The following ZSCAN12 variants were observed in gnomAD, a reference collection of about 807,000 sequenced individuals.
The protein encoded by ZSCAN12 is zinc finger and SCAN domain-containing protein 12.
ZSCAN12 carries 18 observed loss-of-function variants against 23.4 expected under a neutral mutation model. That is an observed-to-expected ratio of 0.77 (90% CI 0.53 to 1.14). ZSCAN12 has a LOEUF of 1.14. Among genes scored for constraint, ZSCAN12 ranks in the 50% most tolerant of loss-of-function variants. The pLI is 0.00. For synonymous variants in ZSCAN12, 186 were observed against 253.4 expected (o/e 0.73, Z 2.53); for missense variants, 650 against 735.0 (o/e 0.88, Z 1.34).
chr6:28,391,796 A>G lies in ZSCAN12; in HGVS notation c.548-54T>C. ...TTCTACCTTTAAAATGTATCCATAC[A>G]TTTTAATATTAAGCAGCTGTTTAGA... On this transcript the variant is annotated intron_variant, in intron 3 of 3. Coordinates refer to ENST00000684592, the MANE Select transcript of ZSCAN12 (RefSeq NM_001163391.2). This position sits in a 1 kb window ranked among gnomAD's most constrained non-coding sequence, Gnocchi z 4.1. The G allele has an allele frequency of 7.4e-7, 1 of 1,346,810 alleles. No homozygotes were observed. Among genetic ancestry groups the G allele is most frequent in the Non-Finnish European group, 9.8e-7 (1 of 1,018,894 alleles). The allele number at this position is 1,346,810 out of a possible 1,614,324, so 83.4% of individuals were successfully genotyped here. A position where few individuals can be genotyped will look rare whatever the true frequency, so the allele number is the denominator to read the frequency against.
downstream of ZSCAN12, among the ~76,000 whole-genome samples, chr6:28,383,032 A>G (rs1760351449): frequency 2.6e-5 from 4 of 152,182 alleles, no homozygotes; most frequent in Non-Finnish European, 1.5e-5. Context: ...GCATGCAGCC[A>G]TTTAAGTAGA....
chr6:28,393,164 T>C (rs1760940591), intron 2 of ZSCAN12, 118 bp from the exon 3 acceptor site: 1 of 1,063,190 alleles, frequency 9.4e-7, no homozygotes, highest in South Asian at 1.7e-5. Flanking sequence ...AAGCCTGCCA[T>C]AACCCTACCC....
chr6:28,397,893 A>T lies in ZSCAN12; in HGVS notation c.402+111T>A. The T allele has an allele frequency of 2.0e-5, 27 of 1,324,344 alleles. 2 individuals are homozygous for T. The South Asian group carries it at 3.9e-4, about 19-fold the overall frequency. 82.0% of individuals were successfully genotyped at this position (1,324,344 alleles called of 1,614,324 possible). A position where few individuals can be genotyped will look rare whatever the true frequency, so the allele number is the denominator to read the frequency against. ...TCCGTGAAACTCATGCCCCTTTCTG[A>T]TGCACCAAACTGTCAAAAACATGCT... On this transcript the variant is annotated intron_variant, in intron 2 of 3. Transcript: ENST00000684592.
At position 28,392,784 on chromosome 6, in the gene ZSCAN12, G is replaced by T. The variant is rs188891505; in HGVS notation, c.547+118C>A. ...CTGAGAGTCTATATATGAGCCATCA[G>T]ATTCTGAGACGGCCTTTTTGACTTT... On this transcript the variant is annotated intron_variant, in intron 3 of 3. Coordinates refer to ENST00000684592, the MANE Select transcript of ZSCAN12 (RefSeq NM_001163391.2). 8.8e-4 allele frequency: 1,027 copies of T among 1,163,300 alleles called. 2 individuals carry two copies. The highest frequency in any genetic ancestry group is 1.2e-3 in the Non-Finnish European group (964 of 833,146). The allele number at this position is 1,163,300 out of a possible 1,614,324, so 72.1% of individuals were successfully genotyped here.
intron 2 of ZSCAN12, among the ~76,000 whole-genome samples, chr6:28,397,442 G>C (rs1438935096): frequency 6.6e-6 from 1 of 152,122 alleles, no homozygotes. Flanking sequence ...TGAGATTCAA[G>C]GTCCTGGACA....
chr6:28,383,327 A>C (rs1327205766), downstream of ZSCAN12, among the ~76,000 whole-genome samples: 1 of 152,044 alleles, frequency 6.6e-6, no homozygotes, highest in Admixed American at 6.6e-5. Context: ...GCCCAACCTC[A>C]CCAGAGACAC....
rs1454782290 is a variant in ZSCAN12 at position 28,390,031 on chromosome 6, G to A, written c.*423C>T. On this transcript the variant is annotated 3_prime_UTR_variant, in exon 4 of 4. Transcript: ENST00000684592. ...ATGATGGCTTACATTTGTTTTACCC[G>A]CTTTCTCCCTTTTGACTGCTAAGTC... 6.6e-6 allele frequency among the ~76,000 whole-genome samples: 1 copy of A among 152,016 alleles called. No individual in the cohort carries two copies. The highest frequency in any genetic ancestry group is 6.6e-5 in the Admixed American group (1 of 15,248).
intron 3 of ZSCAN12, among the ~76,000 whole-genome samples, chr6:28,392,367 G>A (rs565487093): frequency 1.4e-3 from 216 of 151,990 alleles, no homozygotes; most frequent in African/African-American, 4.9e-3. Flanking sequence ...TAGTAGACAC[G>A]GGGTTTCACC....
rs143034365 is a variant in ZSCAN12 at position 28,386,119 on chromosome 6, G to A, written c.*4335C>T. Among the ~76,000 whole-genome samples, 883 of 152,160 alleles carry A rather than the reference G, an allele frequency of 5.8e-3. 5 individuals are homozygous for A. The highest frequency in any genetic ancestry group is 0.02 in the Middle Eastern group (6 of 294). On this transcript the variant is annotated 3_prime_UTR_variant, in exon 4 of 4. Transcript: ENST00000684592. ...TCTCTGGAATCAGTTTGATTGTCAGGTTACGTTTTCATTCATAGCCCGTGT... is the reference window on the plus strand; with the variant it reads ...TCTCTGGAATCAGTTTGATTGTCAGATTACGTTTTCATTCATAGCCCGTGT...
In ZSCAN12 at chr6:28,394,039, C is replaced by T. The variant is rs141344940; in HGVS notation, c.403-993G>A. Among the ~76,000 whole-genome samples the T allele has an allele frequency of 4.2e-3, 643 of 152,262 alleles. 1 individual carries two copies. The highest frequency in any genetic ancestry group is 0.012 in the African/African-American group (487 of 41,546). On this transcript the variant is annotated intron_variant, in intron 2 of 3. Transcript: ENST00000684592. ...TCAAGGCTTACGTCTCTACTTTTGC[C>T]TTCAATCCCATCACTTTTGGCTTCT...
In ZSCAN12 at chr6:28,391,092, T is replaced by A. The variant is rs1372848198; in HGVS notation, c.1198A>T (p.Ile400Leu). 5 of 1,552,232 alleles carry A rather than the reference T, an allele frequency of 3.2e-6. No homozygotes were observed. Among genetic ancestry groups the A allele is most frequent in the Non-Finnish European group, 4.4e-6 (5 of 1,147,190 alleles). The change falls in exon 4 of 4, where the codon ATA (isoleucine) becomes TTA (leucine). Residue 400 changes from isoleucine (I) to leucine (L), a missense_variant. Physicochemically the swap from Ile to Leu is conservative, Grantham distance 5. Transcript: ENST00000684592. This position sits in a 1 kb window ranked among gnomAD's most constrained non-coding sequence, Gnocchi z 4.1. ...QCNKSFSRRSILTQHQGVHTG... is the reference protein window; with the variant it reads ...QCNKSFSRRSLLTQHQGVHTG... ...TGAACTCCTTGATGCTGAGTAAGTA[T>A]GGAACGCCGACTAAAACTTTTATTA...
Position 28,392,887 on chromosome 6 carries a change from GTCTT to G in ZSCAN12, c.547+11_547+14del. The G allele has an allele frequency of 6.4e-7, 1 of 1,551,782 alleles. No homozygotes were observed. The highest frequency in any genetic ancestry group is 8.7e-7 in the Non-Finnish European group (1 of 1,146,974). On this transcript the variant is annotated intron_variant, in intron 3 of 3. Coordinates refer to ENST00000684592, the MANE Select transcript of ZSCAN12 (RefSeq NM_001163391.2). The stretch of plus-strand genomic sequence containing the variant: ...CATCTTCCCCTTCCTCCCAAGATGG[GTCTT>G]TCTTCTTTACCTTGCTCCTGTTGGG...
rs1437347061 is a variant in ZSCAN12 at position 28,398,225 on chromosome 6, G to C, written c.181C>G (p.Arg61Gly). 6.2e-7 allele frequency: 1 copy of C among 1,614,064 alleles called. No homozygotes were observed. The highest frequency in any genetic ancestry group is 2.2e-5 in the East Asian group (1 of 44,868). ...TCTCGGAGTCGGCTCAAAGCCTCAC[G>C]GGGACCAGATGTCTCCTGGTAGCAG... ...QFCYQETSGP[R>G]EALSRLRELC... Residue 61 changes from arginine (R) to glycine (G), a missense_variant, in exon 2 of 4, where the codon CGT becomes GGT. Transcript: ENST00000684592.
Position 28,391,455 on chromosome 6 carries a change from A to G in ZSCAN12, c.835T>C (p.Cys279Arg), listed in dbSNP as rs1396366808. Reference sequence around the variant, plus strand: ...GAGTGCTGACTAAAAGCTTTTCCACAGTCATCACATCCGTAAGATTCTTCT... The same window carrying G: ...GAGTGCTGACTAAAAGCTTTTCCACGGTCATCACATCCGTAAGATTCTTCT... Reference protein sequence around the residue: ...PGEESYGCDDCGKAFSQHSHL... With the variant: ...PGEESYGCDDRGKAFSQHSHL... The change falls in exon 4 of 4, where the codon TGT becomes CGT. Residue 279 changes from cysteine (C) to arginine (R), a missense_variant. By Grantham distance (180) the Cys-to-Arg change is radical. Coordinates refer to ENST00000684592, the MANE Select transcript of ZSCAN12 (RefSeq NM_001163391.2). The surrounding 1 kb of genome is among the most constrained non-coding windows in gnomAD (Gnocchi z 4.1). 6.4e-7 allele frequency: 1 copy of G among 1,551,884 alleles called. No individual in the cohort carries two copies. The highest frequency in any genetic ancestry group is 2.0e-5 in the Admixed American group (1 of 51,016).
intron 2 of ZSCAN12, among the ~76,000 whole-genome samples, chr6:28,396,142 C>T (rs1490198501): frequency 1.3e-5 from 2 of 151,366 alleles, no homozygotes. Context: ...ACTTTAGCCT[C>T]TCAAGTAGCT....
At chr6:28,396,650 G>A (rs1761122072) in intron 2 of ZSCAN12, among the ~76,000 whole-genome samples, 1 of 152,068 alleles carries the variant, frequency 6.6e-6, no homozygotes. Context: ...TGTTGCCCAG[G>A]CTGGGGTACA....
rs937092821 is a variant in ZSCAN12 at position 28,391,139 on chromosome 6, T to C, written c.1151A>G (p.Lys384Arg). The change falls in exon 4 of 4, where the codon AAA becomes AGA. Residue 384 changes from lysine to arginine, a missense_variant. Physicochemically the swap from Lys to Arg is conservative, Grantham distance 26. Coordinates refer to ENST00000684592, the MANE Select transcript of ZSCAN12 (RefSeq NM_001163391.2). The surrounding 1 kb of genome is among the most constrained non-coding windows in gnomAD (Gnocchi z 4.1). ...ATTACACTGAGTGCACTGATAAGGTTTGTCTCTTGTGTGGATCTTGATATG... is the reference window on the plus strand; with the variant it reads ...ATTACACTGAGTGCACTGATAAGGTCTGTCTCTTGTGTGGATCTTGATATG... ...FHHIKIHTRDKPYQCTQCNKS... is the reference protein window; with the variant it reads ...FHHIKIHTRDRPYQCTQCNKS... The C allele has an allele frequency of 3.2e-6, 5 of 1,552,040 alleles. No homozygotes were observed. The African/African-American group carries it at 6.8e-5, about 21-fold the overall frequency.
Position 28,390,504 on chromosome 6 carries a change from GAGCTGAGTTCT to G in ZSCAN12, c.1775_1785del (p.Gln592ProfsTer56). Reference sequence around the variant, plus strand: ...TTGTGGATAGTCTGATGTTGAGTAAGAGCTGAGTTCTGCCTGAATGATTTCCCACACTCTTT... The same window carrying G: ...TTGTGGATAGTCTGATGTTGAGTAAGGCCTGAATGATTTCCCACACTCTTT... On this transcript the variant is annotated frameshift_variant, in exon 4 of 4. Coordinates refer to ENST00000684592, the MANE Select transcript of ZSCAN12 (RefSeq NM_001163391.2). LOFTEE classifies it low-confidence loss of function (END_TRUNC). 1 of 1,551,532 alleles carries G rather than the reference GAGCTGAGTTCT, an allele frequency of 6.4e-7. No individual in the cohort carries two copies. The highest frequency in any genetic ancestry group is 8.7e-7 in the Non-Finnish European group (1 of 1,147,460).
intron 3 of ZSCAN12, among the ~76,000 whole-genome samples, chr6:28,392,456 G>A (rs1403144663): frequency 1.3e-5 from 2 of 152,130 alleles, no homozygotes; most frequent in African/African-American, 2.4e-5. Context: ...GATTATAGGC[G>A]TGAGCCACCG....
Sources: gnomAD v4.1 joint callset for allele counts (sites outside exome capture counted in the v4.1 genomes callset) on GRCh38, gnomAD v4.1.1 for gene constraint, Gnocchi (gnomAD v3.1) non-coding constraint, MANE v1.5 for transcripts, NCBI Gene and HGNC (gene_info 2026-07-23, HGNC 2026-07-21) for gene names.